Variants in HFM1 observed in about 807,000 individuals in gnomAD.
The protein encoded by HFM1 is probable ATP-dependent DNA helicase HFM1.
Under a neutral mutation model 192.1 loss-of-function variants are expected in HFM1, and 169 were observed. That is an observed-to-expected ratio of 0.88 (90% CI 0.78 to 1.00). HFM1 has a LOEUF of 1.00. Among genes scored for constraint, HFM1 ranks in the 50% least tolerant of loss-of-function variants. The pLI is 0.00. For synonymous variants in HFM1, 525 were observed against 537.8 expected, an observed-to-expected ratio of 0.98 and a Z score of 0.33; for missense variants, 1,661 against 1,668.0, an observed-to-expected ratio of 1.00 and a Z score of 0.07.
At chr1:91,277,897 G>GATTATATATATAATATATA (rs1667078332) in intron 30 of HFM1, among the ~76,000 whole-genome samples, 1 of 37,702 alleles carries the variant, frequency 2.7e-5, no homozygotes, top group African/African-American at 1.1e-4. Flanking sequence ...TATTATATAT[G>GATTATATATATAATATATA]CTTATATATA....
chr1:91,277,138 C>T, intron 30 of HFM1, 76 bp from the exon 31 acceptor site: 3 of 743,618 alleles, frequency 4.0e-6, no homozygotes, highest in Non-Finnish European at 6.4e-6. Context: ...TAATTTTTAT[C>T]CAGTTTCCTT....
At chr1:91,298,019 C>T (rs1296567728) in intron 30 of HFM1, among the ~76,000 whole-genome samples, 3 of 151,912 alleles carry the variant, frequency 2.0e-5, no homozygotes, top group Admixed American at 2.0e-4. Context: ...GAACCCATGG[C>T]AAAGAAGTTA....
intron 13 of HFM1, among the ~76,000 whole-genome samples, chr1:91,374,193 A>G (rs1660616467): frequency 6.6e-6 from 1 of 152,092 alleles, no homozygotes; most frequent in Non-Finnish European, 1.5e-5. Context: ...AGGCTAATAC[A>G]GCTTGACCGT....
chr1:91,337,702 C>G (rs2101594551), intron 20 of HFM1, among the ~76,000 whole-genome samples: 1 of 152,270 alleles, frequency 6.6e-6, no homozygotes, highest in African/African-American at 2.4e-5. Flanking sequence ...ATAGGGAGAA[C>G]TCTGGAACAC....
intron 13 of HFM1, among the ~76,000 whole-genome samples, 156 bp downstream of exon 13, chr1:91,375,202 C>T (rs1387327815): frequency 6.6e-6 from 1 of 152,090 alleles, no homozygotes. Flanking sequence ...CGAAGATTCA[C>T]TATCTCACTT....
chr1:91,287,446 G>A (rs567216094), intron 30 of HFM1, among the ~76,000 whole-genome samples: 1 of 152,208 alleles, frequency 6.6e-6, no homozygotes, highest in Non-Finnish European at 1.5e-5. Context: ...CTGCAGCTGA[G>A]GGTCCTGTCT....
At position 91,394,188 on chromosome 1, in the gene HFM1, G is replaced by A; in HGVS notation, c.399C>T (p.Gly133=). 1.2e-6 allele frequency: 2 copies of A among 1,604,422 alleles called. No homozygotes were observed. The highest frequency in any genetic ancestry group is 1.7e-6 in the Non-Finnish European group (2 of 1,171,390). Residue 133 remains glycine (G), a synonymous_variant, in exon 4 of 39, where the codon GGC becomes GGT. Coordinates refer to ENST00000370425, the MANE Select transcript of HFM1 (RefSeq NM_001017975.6). The part of the protein sequence containing the change: ...YASQKYKNHI[G]TEIAPEKSVP... ...CACTCTTCTCAGGTGCTATCTCAGT[G>A]CCAATGTGATTTTTATATTTCTGAG...
At chr1:91,263,250 T>C (rs1177117767) in intron 36 of HFM1, among the ~76,000 whole-genome samples, 1 of 152,164 alleles carries the variant, frequency 6.6e-6, no homozygotes, top group East Asian at 1.9e-4. Flanking sequence ...TTTTAAAAGA[T>C]GATCATCAAT....
At chr1:91,342,695 T>C (rs1655528974) in intron 20 of HFM1, among the ~76,000 whole-genome samples, 1 of 152,220 alleles carries the variant, frequency 6.6e-6, no homozygotes, top group African/African-American at 2.4e-5. Context: ...TAATACATTT[T>C]GTTATATGAG....
Position 91,267,735 on chromosome 1 carries a change from A to T in HFM1, c.3883+10T>A. On this transcript the variant is annotated intron_variant, in intron 35 of 38. Coordinates refer to ENST00000370425, the MANE Select transcript of HFM1 (RefSeq NM_001017975.6). ...CTAATGAAATGATTGCATGCTAAGT[A>T]TGATTTTACCTGATATTTTTGTCTT... 1 of 1,185,678 alleles carries T rather than the reference A, an allele frequency of 8.4e-7. No individual in the cohort carries two copies. Among genetic ancestry groups the T allele is most frequent in the Non-Finnish European group, 1.2e-6 (1 of 835,724 alleles). The allele number at this position is 1,185,678 out of a possible 1,614,324, so 73.4% of individuals were successfully genotyped here. A position where few individuals can be genotyped will look rare whatever the true frequency, so the allele number is the denominator to read the frequency against.
chr1:91,290,691 C>T (rs1182076710), intron 30 of HFM1, among the ~76,000 whole-genome samples: 1 of 152,124 alleles, frequency 6.6e-6, no homozygotes, highest in African/African-American at 2.4e-5. Flanking sequence ...CAGCTCTGCA[C>T]CAACCGGACC....
At chr1:91,293,871 A>G (rs1420521771) in intron 30 of HFM1, among the ~76,000 whole-genome samples, 1 of 150,672 alleles carries the variant, frequency 6.6e-6, no homozygotes, top group South Asian at 2.1e-4. Flanking sequence ...ATGCAGCCAT[A>G]AAAAATGATG....
rs551198743 is a variant in HFM1, at chr1:91,372,942, C to A, written c.1685+2416G>T. On this transcript the variant is annotated intron_variant, in intron 13 of 38. Transcript: ENST00000370425. ...TCTCTACTGTTTCTTATTGCTTAATCTTGCTTTGTTGACGTGTATTATAAA... is the reference window on the plus strand; with the variant it reads ...TCTCTACTGTTTCTTATTGCTTAATATTGCTTTGTTGACGTGTATTATAAA... Among the ~76,000 whole-genome samples, 4 of 152,038 alleles carry A rather than the reference C, an allele frequency of 2.6e-5. No individual in the cohort carries two copies. In the South Asian group the frequency reaches 8.3e-4, roughly 32 times the overall value.
At chr1:91,370,000 A>G (rs1472696231) in intron 13 of HFM1, among the ~76,000 whole-genome samples, 1 of 152,190 alleles carries the variant, frequency 6.6e-6, no homozygotes, top group African/African-American at 2.4e-5. Context: ...GAAGAAATGG[A>G]TAAATTCCTC....
chr1:91,274,864 A>C, intron 32 of HFM1, 55 bp from the exon 33 acceptor site: 1 of 846,838 alleles, frequency 1.2e-6, no homozygotes, highest in Non-Finnish European at 1.9e-6. Context: ...ATAACTTGTA[A>C]CACATGAGCC....
chr1:91,264,126 T>C (rs973296558), intron 36 of HFM1, among the ~76,000 whole-genome samples: 5 of 152,106 alleles, frequency 3.3e-5, no homozygotes, highest in Admixed American at 2.6e-4. Context: ...AATCCTAACA[T>C]GGAACAAGGG....
intron 30 of HFM1, among the ~76,000 whole-genome samples, chr1:91,307,053 C>A (rs900877699): frequency 1.2e-4 from 18 of 152,058 alleles, no homozygotes; most frequent in African/African-American, 4.3e-4. Flanking sequence ...CTTCTTCATT[C>A]TTGATATTGT....
Position 91,276,742 on chromosome 1 carries a change from A to C in HFM1, c.3474T>G (p.Cys1158Trp). 1 of 1,368,434 alleles carries C rather than the reference A, an allele frequency of 7.3e-7. No individual in the cohort carries two copies. Among genetic ancestry groups the C allele is most frequent in the Non-Finnish European group, 9.9e-7 (1 of 1,005,518 alleles). 84.8% of individuals were successfully genotyped at this position (1,368,434 alleles called of 1,614,324 possible). Residue 1158 changes from cysteine to tryptophan, a missense_variant and splice_region_variant, in exon 32 of 39, where the codon TGT (cysteine) becomes TGG (tryptophan). Transcript: ENST00000370425. Reference sequence around the variant, plus strand: ...CTGACTTCTGTGCAACTCCAATTTTACCTATGAAAAGAAACTTCAGATTCT... The same window carrying C: ...CTGACTTCTGTGCAACTCCAATTTTCCCTATGAAAAGAAACTTCAGATTCT... ...KSKHTCGHDC[C>W]KIGVAQKSEI... is the part of the protein sequence containing the mutation.
At position 91,385,184 on chromosome 1, in the gene HFM1, T is replaced by C. The variant is rs1662040837; in HGVS notation, c.802+3A>G. ...CAGCTATTGTAAATAACTTAAAGGATACGAATTTCTGTGACAGCCTTCAAG... is the reference window on the plus strand; with the variant it reads ...CAGCTATTGTAAATAACTTAAAGGACACGAATTTCTGTGACAGCCTTCAAG... On this transcript the variant is annotated splice_donor_region_variant and intron_variant, in intron 6 of 38. Transcript: ENST00000370425. 2.0e-6 allele frequency: 3 copies of C among 1,512,770 alleles called. No individual in the cohort carries two copies. Among genetic ancestry groups the C allele is most frequent in the East Asian group, 2.3e-5 (1 of 43,992 alleles). 93.7% of individuals were successfully genotyped at this position (1,512,770 alleles called of 1,614,324 possible). A position where few individuals can be genotyped will look rare whatever the true frequency, so the allele number is the denominator to read the frequency against.
Sources: gnomAD v4.1 joint callset for allele counts (sites outside exome capture counted in the v4.1 genomes callset) on GRCh38, gnomAD v4.1.1 for gene constraint, MANE v1.5 for transcripts, NCBI Gene and HGNC (gene_info 2026-07-23, HGNC 2026-07-21) for gene names.